APBA2: variants seen among roughly 807,000 people sequenced by gnomAD.
APBA2 encodes amyloid-beta A4 precursor protein-binding family A member 2.
A neutral mutation model predicts 75.0 loss-of-function variants in APBA2; 30 were observed. The observed-to-expected ratio is 0.40, with a 90% CI of 0.30 to 0.54. The LOEUF (loss-of-function observed/expected upper bound fraction) is 0.54. Among genes scored for constraint, APBA2 ranks in the 20% least tolerant of loss-of-function variants. APBA2 has a pLI of 0.49. For synonymous variants in APBA2, 444 were observed against 409.6 expected (o/e 1.08, Z -1.01); for missense variants, 801 against 1,016.1 (o/e 0.79, Z 2.88).
At chr15:29,098,100 T>A (rs2043939345) in intron 8 of APBA2, among the ~76,000 whole-genome samples, 1 of 152,234 alleles carries the variant, frequency 6.6e-6, no homozygotes, top group Non-Finnish European at 1.5e-5. Flanking sequence ...TGGATAGTGC[T>A]GCCGTGAGCA....
At position 28,903,995 on chromosome 15, in the gene APBA2, C is replaced by T. The variant is rs765615295; in HGVS notation, c.-204-17645C>T. On this transcript the variant is annotated intron_variant, in intron 1 of 14. Coordinates refer to ENST00000683413, the MANE Select transcript of APBA2 (RefSeq NM_001353788.2). Reference sequence around the variant, plus strand: ...GTTGAACCATATGAAACTGTTATTTCTGTATGTCAAAAAGTGATCCAATAT... The same window carrying T: ...GTTGAACCATATGAAACTGTTATTTTTGTATGTCAAAAAGTGATCCAATAT... 6.6e-4 allele frequency among the ~76,000 whole-genome samples: 100 copies of T among 152,190 alleles called. 1 individual carries two copies. The highest frequency in any genetic ancestry group is 1.3e-4 in the Non-Finnish European group (9 of 68,030).
intron 2 of APBA2, among the ~76,000 whole-genome samples, chr15:28,976,401 G>A (rs1318102970): frequency 3.3e-5 from 5 of 152,214 alleles, no homozygotes; most frequent in African/African-American, 9.6e-5. Context: ...GCAAATTCTT[G>A]TCTTATTCCT....
chr15:29,053,171 G>A (rs1006568836), intron 3 of APBA2, among the ~76,000 whole-genome samples: 8 of 152,162 alleles, frequency 5.3e-5, no homozygotes, highest in Admixed American at 4.6e-4. Flanking sequence ...TGCAGGCTGC[G>A]GCTGCACCCT....
intron 2 of APBA2, among the ~76,000 whole-genome samples, chr15:28,967,937 G>T (rs1218038284): frequency 1.3e-5 from 2 of 152,126 alleles, no homozygotes; most frequent in Non-Finnish European, 2.9e-5. Flanking sequence ...CACTCATTAA[G>T]CAGTAATTGT....
At position 28,948,929 on chromosome 15, in the gene APBA2, G is replaced by A. The variant is rs1595539764; in HGVS notation, c.-95+27180G>A. Among the ~76,000 whole-genome samples, 6 of 150,962 alleles carry A rather than the reference G, an allele frequency of 4.0e-5. No homozygotes were observed. In the South Asian group the frequency reaches 1.3e-3, roughly 32 times the overall value. Reference sequence around the variant, plus strand: ...GGATAGGCAGGGGTGGGCGTCCAAGGCTGCAGAGTTGTAAAGCGGGGGGTG... The same window carrying A: ...GGATAGGCAGGGGTGGGCGTCCAAGACTGCAGAGTTGTAAAGCGGGGGGTG... On this transcript the variant is annotated intron_variant, in intron 2 of 14. Coordinates refer to ENST00000683413, the MANE Select transcript of APBA2 (RefSeq NM_001353788.2).
chr15:28,897,494 T>G (rs2032569127), intron 1 of APBA2, among the ~76,000 whole-genome samples: 1 of 151,186 alleles, frequency 6.6e-6, no homozygotes, highest in Non-Finnish European at 1.5e-5. Flanking sequence ...GGCGGGCGCC[T>G]ATAACCCCAG....
chr15:28,974,704 A>G (rs535099241), intron 2 of APBA2, among the ~76,000 whole-genome samples: 1 of 152,330 alleles, frequency 6.6e-6, no homozygotes, highest in East Asian at 1.9e-4. Context: ...AGGTGAAAGG[A>G]AATACACAAA....
intron 1 of APBA2, among the ~76,000 whole-genome samples, chr15:28,915,165 CACCACATACAT>C (rs2033622670): frequency 7.8e-3 from 3 of 386 alleles, no homozygotes; most frequent in African/African-American, 8.3e-3. Flanking sequence ...ACACACCACA[CACCACATACAT>C]ACCCCATATA....
intron 2 of APBA2, among the ~76,000 whole-genome samples, chr15:28,923,346 G>T (rs2034078110): frequency 1.3e-5 from 2 of 152,092 alleles, no homozygotes. Flanking sequence ...GTCTTCTGTT[G>T]TGGTCAAGAT....
intron 3 of APBA2, among the ~76,000 whole-genome samples, chr15:29,039,837 T>C (rs2040944536): frequency 6.6e-6 from 1 of 152,114 alleles, no homozygotes; most frequent in Non-Finnish European, 1.5e-5. Context: ...AAGCCCACTA[T>C]CGTCCATTCC....
intron 2 of APBA2, among the ~76,000 whole-genome samples, chr15:28,969,831 C>T (rs2036969403): frequency 6.6e-6 from 1 of 152,214 alleles, no homozygotes; most frequent in Non-Finnish European, 1.5e-5. Flanking sequence ...CTGGAATATT[C>T]CCACTTAGGT....
At chr15:29,076,151 G>T in intron 6 of APBA2, 60 bp downstream of exon 6, 1 of 1,560,372 alleles carries the variant, frequency 6.4e-7, no homozygotes, top group Non-Finnish European at 8.8e-7. Flanking sequence ...AAAATAAATG[G>T]TGCTTTTAGT....
chr15:28,986,225 G>A (rs1196895626), intron 2 of APBA2, among the ~76,000 whole-genome samples: 1 of 152,140 alleles, frequency 6.6e-6, no homozygotes, highest in Admixed American at 6.5e-5. Context: ...TGCCCACTCT[G>A]CGTCCTTGCT....
chr15:29,059,215 A>G (rs1001033135), intron 4 of APBA2, among the ~76,000 whole-genome samples: 12 of 149,876 alleles, frequency 8.0e-5, no homozygotes, highest in African/African-American at 2.4e-4. Flanking sequence ...TTTTGTTGAT[A>G]TGTGTGTGTG....
At chr15:29,026,900 G>T (rs1476821974) in intron 3 of APBA2, among the ~76,000 whole-genome samples, 1 of 152,132 alleles carries the variant, frequency 6.6e-6, no homozygotes, top group African/African-American at 2.4e-5. Context: ...CAGCCTGGGC[G>T]ACAGAGCAAG....
chr15:29,034,058 C>T (rs2040623941), intron 3 of APBA2, among the ~76,000 whole-genome samples: 1 of 151,088 alleles, frequency 6.6e-6, no homozygotes, highest in East Asian at 1.9e-4. Flanking sequence ...CTCAGAGATG[C>T]ATTATCCTCC....
rs188307996 is a variant in APBA2, at chr15:28,897,990, A to G, written c.-205+11712A>G. 1.3e-3 allele frequency among the ~76,000 whole-genome samples: 203 copies of G among 152,324 alleles called. 1 individual carries two copies. Among genetic ancestry groups the G allele is most frequent in the East Asian group, 9.6e-4 (5 of 5,184 alleles). On this transcript the variant is annotated intron_variant, in intron 1 of 14. Transcript: ENST00000683413. ...AAATGCCATCCTCAAGGATCGTATA[A>G]GAGAGAGGCAGAGAGAGATGTGACC... is the stretch of plus-strand genomic sequence containing the variant.
At chr15:29,082,076 G>A (rs573572465) in intron 6 of APBA2, among the ~76,000 whole-genome samples, 23 of 152,334 alleles carry the variant, frequency 1.5e-4, no homozygotes, top group Admixed American at 5.2e-4. Context: ...GCTCCAGGCC[G>A]ATGGGTGCAA....
chr15:28,969,934 C>T (rs2036978166), intron 2 of APBA2, among the ~76,000 whole-genome samples: 1 of 152,272 alleles, frequency 6.6e-6, no homozygotes, highest in Non-Finnish European at 1.5e-5. Flanking sequence ...GCGGGCAGAG[C>T]CTCCTCGCTG....
Sources: allele counts gnomAD v4.1 joint callset (sites outside exome capture counted in the v4.1 genomes callset), GRCh38; gene constraint gnomAD v4.1.1; transcripts MANE v1.5; gene names NCBI Gene and HGNC (gene_info 2026-07-23, HGNC 2026-07-21).